DNAH3: variants seen among roughly 807,000 people sequenced by gnomAD.
DNAH3 encodes axonemal beta dynein heavy chain 3.
DNAH3 carries 332 observed loss-of-function variants against 432.5 expected under a neutral mutation model. That is an observed-to-expected ratio of 0.77 (90% CI 0.70 to 0.84). The LOEUF is 0.84. Ranked by LOEUF, DNAH3 falls within the 40% of genes least tolerant of loss-of-function variation. The pLI, the probability that DNAH3 is intolerant of heterozygous loss-of-function variation, is 0.00. For synonymous variants in DNAH3, 1,956 were observed against 1,900.2 expected, an observed-to-expected ratio of 1.03 and a Z score of -0.76; for missense variants, 4,861 against 5,114.0, an observed-to-expected ratio of 0.95 and a Z score of 1.51.
intron 49 of DNAH3, among the ~76,000 whole-genome samples, chr16:20,979,772 C>T (rs2085770025): frequency 6.6e-6 from 1 of 152,152 alleles, no homozygotes. Flanking sequence ...TTTATTGAGA[C>T]AGTGTCTCTC....
chr16:21,010,752 T>C (rs2087554167), intron 41 of DNAH3, among the ~76,000 whole-genome samples: 1 of 152,060 alleles, frequency 6.6e-6, no homozygotes, highest in Non-Finnish European at 1.5e-5. Flanking sequence ...AGCTTTTGAA[T>C]ATGGTTATAA....
intron 24 of DNAH3, among the ~76,000 whole-genome samples, chr16:21,063,589 C>G (rs1322111074): frequency 6.7e-6 from 1 of 150,020 alleles, no homozygotes; most frequent in Non-Finnish European, 1.5e-5. Flanking sequence ...GTCACCCGGC[C>G]TGGAGTGCAG....
chr16:21,049,613 G>A lies in DNAH3; in HGVS notation c.4417C>T (p.Gln1473Ter), dbSNP rs1256894423. 5.0e-6 allele frequency: 8 copies of A among 1,614,170 alleles called. No individual in the cohort carries two copies. In the South Asian group the frequency reaches 7.7e-5, roughly 16 times the overall value. The change falls in exon 31 of 62, where the codon CAG becomes TAG. Residue 1473 changes from glutamine to a stop codon, truncating the protein, a stop_gained. Coordinates refer to ENST00000261383, the Ensembl canonical transcript of DNAH3. LOFTEE classifies it high-confidence loss of function. Reference sequence around the variant, plus strand: ...TCAAAGCACGCCCATGCTCCAGCCTGTGCCAGCCCCTTGAAGAACTTCCCC... The same window carrying A: ...TCAAAGCACGCCCATGCTCCAGCCTATGCCAGCCCCTTGAAGAACTTCCCC...
At chr16:21,040,360 T>C (rs28529854) in intron 32 of DNAH3, among the ~76,000 whole-genome samples, 29,817 of 62,676 alleles carry the variant, frequency 0.48, 5,778 homozygotes, top group African/African-American at 0.56. Context: ...CCAGACAGAT[T>C]TTTTTTTTTT....
At chr16:21,150,975 G>A (rs1349835705) in intron 1 of DNAH3, among the ~76,000 whole-genome samples, 129 bp from the exon 1 acceptor site, 1 of 152,208 alleles carries the variant, frequency 6.6e-6, no homozygotes, top group African/African-American at 2.4e-5. Flanking sequence ...GCAGCAGGAA[G>A]TGTTGGTGAC....
At chr16:21,148,889 C>A (rs191224538) in intron 1 of DNAH3, among the ~76,000 whole-genome samples, 1 of 152,046 alleles carries the variant, frequency 6.6e-6, no homozygotes, top group South Asian at 2.1e-4. Flanking sequence ...TTCAAGAGAT[C>A]GAGATTCTCA....
Position 21,117,068 on chromosome 16 carries a change from C to G in DNAH3, c.1814+135G>C. The G allele has an allele frequency of 4.9e-6, 3 of 614,506 alleles. No homozygotes were observed. The South Asian group carries it at 6.4e-5, about 13-fold the overall frequency. 38.1% of individuals were successfully genotyped at this position (614,506 alleles called of 1,614,324 possible). Reference sequence around the variant, plus strand: ...TAAAGTGGGAATAAATAGTAATACTCATGTAAGTATTGGCTATTCTTACTA... The same window carrying G: ...TAAAGTGGGAATAAATAGTAATACTGATGTAAGTATTGGCTATTCTTACTA... On this transcript the variant is annotated intron_variant, in intron 12 of 61. Transcript: ENST00000261383.
intron 40 of DNAH3, among the ~76,000 whole-genome samples, chr16:21,020,348 G>GTGTGTGTGTATATATATA: frequency 4.0e-4 from 28 of 69,154 alleles, no homozygotes; most frequent in African/African-American, 1.7e-3. Flanking sequence ...TATAGTGTGT[G>GTGTGTGTGTATATATATA]TATATATATA....
intron 15 of DNAH3, among the ~76,000 whole-genome samples, chr16:21,106,240 T>C (rs1381717135): frequency 6.0e-5 from 9 of 150,926 alleles, no homozygotes; most frequent in Non-Finnish European, 1.5e-5. Context: ...CCTTTGTGTC[T>C]AACAAGATTC....
exon 34 of DNAH3, chr16:21,037,896 A>G: frequency 6.2e-7 from 1 of 1,614,198 alleles, no homozygotes; most frequent in East Asian, 2.2e-5. Flanking sequence ...CAGACTTGAC[A>G]GCGCGCATAC....
Position 20,994,842 on chromosome 16 carries a change from C to CT in DNAH3, c.6601+2440dup, listed in dbSNP as rs67804144. ...AAGTTTCATCCATGTTGTAACATGT[C>CT]TTTTTTTTTAAAAAAATCCTCCTTT... On this transcript the variant is annotated intron_variant, in intron 44 of 61. Transcript: ENST00000261383. 5.9e-5 allele frequency among the ~76,000 whole-genome samples: 9 copies of CT among 151,692 alleles called. No individual in the cohort carries two copies. The South Asian group carries it at 6.2e-4, about 11-fold the overall frequency.
chr16:20,963,648 G>C, exon 53 of DNAH3: 1 of 1,614,014 alleles, frequency 6.2e-7, no homozygotes, highest in Non-Finnish European at 8.5e-7. Flanking sequence ...ACAGCCATTG[G>C]GGAGCTGGAT....
intron 1 of DNAH3, among the ~76,000 whole-genome samples, chr16:21,152,128 G>C (rs899984744): frequency 6.6e-6 from 1 of 152,074 alleles, no homozygotes. Context: ...CAGCTACTTG[G>C]GGGGCTGAGG....
chr16:20,969,180 A>G (rs2085207569), intron 52 of DNAH3, among the ~76,000 whole-genome samples: 1 of 146,354 alleles, frequency 6.8e-6, no homozygotes, highest in Non-Finnish European at 1.5e-5. Context: ...CTTTGGGTGT[A>G]TATGCATGTG....
At chr16:21,003,189 T>A in exon 42 of DNAH3, 1 of 1,609,052 alleles carries the variant, frequency 6.2e-7, no homozygotes. Flanking sequence ...TTTGATAAAA[T>A]AAAAATCATA....
At chr16:20,996,972 C>T in intron 44 of DNAH3, 1 of 280,862 alleles carries the variant, frequency 3.6e-6, no homozygotes, top group Non-Finnish European at 6.7e-6. Context: ...TGTCATGCAC[C>T]CCTAGTTGAG....
At chr16:21,098,742 C>T (rs772371503) in exon 17 of DNAH3, 46 of 1,611,778 alleles carry the variant, frequency 2.9e-5, no homozygotes, top group Non-Finnish European at 3.6e-5. Context: ...TGTGGTAGCC[C>T]TCAAGTCTCA....
At chr16:21,027,764 G>A (rs2088647829) in intron 37 of DNAH3, among the ~76,000 whole-genome samples, 1 of 152,166 alleles carries the variant, frequency 6.6e-6, no homozygotes, top group Admixed American at 6.5e-5. Context: ...GGAAAGCCAG[G>A]GAATCACTGA....
chr16:20,959,610 A>ACACACAC (rs2084723844), intron 53 of DNAH3, among the ~76,000 whole-genome samples: 1 of 137,564 alleles, frequency 7.3e-6, no homozygotes, highest in Non-Finnish European at 1.6e-5. Context: ...TCTCTATTTA[A>ACACACAC]ACACACACAC....
Sources: gnomAD v4.1 joint callset for allele counts (sites outside exome capture counted in the v4.1 genomes callset) on GRCh38, gnomAD v4.1.1 for gene constraint, MANE v1.5 for transcripts, NCBI Gene and HGNC (gene_info 2026-07-23, HGNC 2026-07-21) for gene names.